Variants in DIP2A observed in about 807,000 individuals in gnomAD.
DIP2A encodes disco-interacting protein 2 homolog A.
Under a neutral mutation model 177.4 loss-of-function variants are expected in DIP2A, and 85 were observed. The ratio of observed to expected loss-of-function variants is 0.48; its 90% confidence interval spans 0.40 to 0.57. The LOEUF is 0.57. Among genes scored for constraint, DIP2A ranks in the 20% least tolerant of loss-of-function variants. DIP2A has a pLI of 0.00. For synonymous variants in DIP2A, 886 were observed against 881.8 expected (o/e 1.00, Z -0.08); for missense variants, 1,791 against 2,100.2 (o/e 0.85, Z 2.88).
chr21:46,495,812 A>C (rs1243651187), intron 3 of DIP2A, among the ~76,000 whole-genome samples: 1 of 151,916 alleles, frequency 6.6e-6, no homozygotes, highest in African/African-American at 2.4e-5. Context: ...GGTGGCTTAC[A>C]CCTATAATCC....
At position 46,557,897 on chromosome 21, in the gene DIP2A, T is replaced by G; in HGVS notation, c.3798+144T>G. On this transcript the variant is annotated intron_variant, in intron 31 of 37. Coordinates refer to ENST00000417564, the MANE Select transcript of DIP2A (RefSeq NM_015151.4). The surrounding 1 kb of genome is among the most constrained non-coding windows in gnomAD (Gnocchi z 6.0). ...AAACCCTTTCCCACTAGGGGCCCTA[T>G]GTACACATCTGTCCTCCCACGGCCC... is the stretch of plus-strand genomic sequence containing the variant. 2 of 1,036,450 alleles carry G rather than the reference T, an allele frequency of 1.9e-6. No homozygotes were observed. The highest frequency in any genetic ancestry group is 2.7e-6 in the Non-Finnish European group (2 of 730,832). The allele number at this position is 1,036,450 out of a possible 1,614,324, so 64.2% of individuals were successfully genotyped here. A position where few individuals can be genotyped will look rare whatever the true frequency, so the allele number is the denominator to read the frequency against.
At position 46,485,295 on chromosome 21, in the gene DIP2A, T is replaced by A. The variant is rs182040154; in HGVS notation, c.163+467T>A. Among the ~76,000 whole-genome samples the A allele has an allele frequency of 3.6e-4, 55 of 152,134 alleles. No individual in the cohort carries two copies. The Middle Eastern group carries it at 0.017, about 47-fold the overall frequency. On this transcript the variant is annotated intron_variant, in intron 2 of 37. Transcript: ENST00000417564. The stretch of plus-strand genomic sequence containing the variant: ...TAGTTCTAAAATGTATATCCAAGTA[T>A]AAAAGGTCAAGAGACCCAAAATATT...
Position 46,563,459 on chromosome 21 carries a change from C to T in DIP2A, c.4090-399C>T, listed in dbSNP as rs2060735023. Among the ~76,000 whole-genome samples the T allele has an allele frequency of 6.6e-6, 1 of 152,318 alleles. No individual in the cohort carries two copies. Among genetic ancestry groups the T allele is most frequent in the South Asian group, 2.1e-4 (1 of 4,828 alleles). ...TCGGAGTCACGGGCAGGAAGAACTTCCTCATGGTCAGGTTCCTGGCCAAGA... is the reference window on the plus strand; with the variant it reads ...TCGGAGTCACGGGCAGGAAGAACTTTCTCATGGTCAGGTTCCTGGCCAAGA... On this transcript the variant is annotated intron_variant, in intron 34 of 37. Coordinates refer to ENST00000417564, the MANE Select transcript of DIP2A (RefSeq NM_015151.4). The surrounding 1 kb of genome is among the most constrained non-coding windows in gnomAD (Gnocchi z 4.3).
intron 5 of DIP2A, among the ~76,000 whole-genome samples, chr21:46,499,272 G>A (rs982989616): frequency 3.3e-5 from 5 of 152,208 alleles, no homozygotes; most frequent in Admixed American, 2.0e-4. Flanking sequence ...TAGTCCCCCA[G>A]AAGGGTGTGG....
rs562958784 is a variant in DIP2A, at chr21:46,498,547, C to T, written c.404-35C>T. On this transcript the variant is annotated intron_variant, in intron 4 of 37. Coordinates refer to ENST00000417564, the MANE Select transcript of DIP2A (RefSeq NM_015151.4). The surrounding 1 kb of genome is among the most constrained non-coding windows in gnomAD (Gnocchi z 4.3). ...ACTCCGTCCTCCTCTTGACTCATCC[C>T]GATATCATGCCTGTCATCGTTATTT... The T allele has an allele frequency of 9.4e-5, 148 of 1,574,462 alleles. No homozygotes were observed. Among genetic ancestry groups the T allele is most frequent in the Admixed American group, 3.4e-4 (20 of 58,352 alleles).
chr21:46,580,838 G>A, the DIP2A span, among the ~76,000 whole-genome samples: 1 of 152,306 alleles, frequency 6.6e-6, no homozygotes, highest in African/African-American at 2.4e-5. Flanking sequence ...ACTTCCCTTT[G>A]TAGGTGTCCT....
the DIP2A span, among the ~76,000 whole-genome samples, chr21:46,575,308 C>T: frequency 0.01 from 1,575 of 152,226 alleles, 12 homozygotes; most frequent in Non-Finnish European, 0.017. Flanking sequence ...TGAAAATCCA[C>T]AACAAACATC....
At chr21:46,489,225 C>G (rs575032206) in intron 2 of DIP2A, among the ~76,000 whole-genome samples, 2 of 152,342 alleles carry the variant, frequency 1.3e-5, no homozygotes, top group South Asian at 4.1e-4. Context: ...GTATAACTGA[C>G]CACCCCAAAA....
intron 18 of DIP2A, 81 bp downstream of exon 18, chr21:46,541,976 G>A (rs1189002036): frequency 1.3e-6 from 2 of 1,556,684 alleles, no homozygotes; most frequent in East Asian, 2.3e-5. Flanking sequence ...TTGAGACGGA[G>A]TCTTGCTTTG....
rs1225998009 is a variant in DIP2A at position 46,537,608 on chromosome 21, T to C, written c.1801+69T>C. 28 of 1,477,394 alleles carry C rather than the reference T, an allele frequency of 1.9e-5. No homozygotes were observed. Among genetic ancestry groups the C allele is most frequent in the Middle Eastern group, 3.5e-4 (2 of 5,724 alleles). The allele number at this position is 1,477,394 out of a possible 1,614,324, so 91.5% of individuals were successfully genotyped here. A position where few individuals can be genotyped will look rare whatever the true frequency, so the allele number is the denominator to read the frequency against. On this transcript the variant is annotated intron_variant, in intron 15 of 37. Transcript: ENST00000417564. This position sits in a 1 kb window ranked among gnomAD's most constrained non-coding sequence, Gnocchi z 4.1. ...ATCTCTTTGAACTGACCTTTGGTGCTTAAGAAAAAATAAAGCTGACATGTG... is the reference window on the plus strand; with the variant it reads ...ATCTCTTTGAACTGACCTTTGGTGCCTAAGAAAAAATAAAGCTGACATGTG...
intron 36 of DIP2A, 44 bp downstream of exon 36, chr21:46,565,931 G>A (rs765569798): frequency 6.2e-7 from 1 of 1,604,858 alleles, no homozygotes; most frequent in Non-Finnish European, 8.5e-7. Context: ...TGTGCGGGGA[G>A]GACCTGGGCT....
chr21:46,579,857 T>C, the DIP2A span, among the ~76,000 whole-genome samples: 1 of 152,088 alleles, frequency 6.6e-6, no homozygotes, highest in African/African-American at 2.4e-5. Context: ...CTGAGGAGGG[T>C]TTTACTTCCA....
intron 8 of DIP2A, among the ~76,000 whole-genome samples, chr21:46,512,274 A>T (rs180955090): frequency 8.5e-4 from 130 of 152,304 alleles, no homozygotes; most frequent in Admixed American, 4.3e-3. Context: ...TGTTAGGGAC[A>T]TGCTTATGTG....
At chr21:46,547,419 C>A (rs2060097567) in intron 21 of DIP2A, among the ~76,000 whole-genome samples, 1 of 152,278 alleles carries the variant, frequency 6.6e-6, no homozygotes, top group East Asian at 1.9e-4. Flanking sequence ...ACACATGACA[C>A]CCTCCATTGC....
intron 3 of DIP2A, among the ~76,000 whole-genome samples, chr21:46,492,434 A>G (rs2057067777): frequency 6.6e-6 from 1 of 152,192 alleles, no homozygotes; most frequent in African/African-American, 2.4e-5. Flanking sequence ...TAGTCCTTCA[A>G]CTTTGTTTCT....
chr21:46,561,378 C>G, intron 33 of DIP2A: 1 of 357,220 alleles, frequency 2.8e-6, no homozygotes, highest in South Asian at 2.4e-5. Context: ...AGGGCCCCTC[C>G]CAGCTTTGAA....
Position 46,539,954 on chromosome 21 carries a change from G to A in DIP2A, c.1999G>A (p.Ala667Thr), listed in dbSNP as rs2059744407. 1.9e-6 allele frequency: 3 copies of A among 1,613,916 alleles called. No homozygotes were observed. The highest frequency in any genetic ancestry group is 2.7e-5 in the African/African-American group (2 of 74,928). Reference protein sequence around the residue: ...GLRPEVICPCASSPEALTVAI... With the variant: ...GLRPEVICPCTSSPEALTVAI... ...GAGGCCAGAGGTCATCTGTCCTTGTGCAAGTTCTCCTGAGGCGCTGACTGT... is the reference window on the plus strand; with the variant it reads ...GAGGCCAGAGGTCATCTGTCCTTGTACAAGTTCTCCTGAGGCGCTGACTGT... The change falls in exon 17 of 38, where the codon GCA becomes ACA. Residue 667 changes from alanine to threonine, a missense_variant. Transcript: ENST00000417564.
intron 34 of DIP2A, among the ~76,000 whole-genome samples, chr21:46,562,260 C>T (rs902308874): frequency 2.6e-5 from 4 of 152,118 alleles, no homozygotes; most frequent in East Asian, 1.9e-4. Context: ...TGAGATGGCC[C>T]GAGGACTCCC....
At chr21:46,530,330 A>G (rs911984875) in intron 9 of DIP2A, among the ~76,000 whole-genome samples, 2 of 152,224 alleles carry the variant, frequency 1.3e-5, no homozygotes, top group Admixed American at 1.3e-4. Context: ...AATATGAACT[A>G]TTAGCCAAGG....
Sources: gnomAD v4.1 joint callset for allele counts (sites outside exome capture counted in the v4.1 genomes callset) on GRCh38, gnomAD v4.1.1 for gene constraint, Gnocchi (gnomAD v3.1) non-coding constraint, MANE v1.5 for transcripts, NCBI Gene and HGNC (gene_info 2026-07-23, HGNC 2026-07-21) for gene names.